IFT80: variants seen among roughly 807,000 people sequenced by gnomAD.
IFT80 encodes the protein intraflagellar transport 80.
IFT80 carries 79 observed loss-of-function variants against 107.9 expected under a neutral mutation model. The ratio of observed to expected loss-of-function variants is 0.73; its 90% confidence interval spans 0.61 to 0.88. IFT80 has a LOEUF of 0.88. Ranked by LOEUF, IFT80 falls within the 40% of genes least tolerant of loss-of-function variation. The pLI is 0.00. For synonymous variants in IFT80, 299 were observed against 300.9 expected (o/e 0.99, Z 0.07); for missense variants, 797 against 914.2 (o/e 0.87, Z 1.65).
chr3:160,371,170 A>G (rs1711512250), intron 5 of IFT80, among the ~76,000 whole-genome samples: 1 of 152,046 alleles, frequency 6.6e-6, no homozygotes, highest in Non-Finnish European at 1.5e-5. Context: ...CACTCACCTG[A>G]CTTTTAGGTC....
Position 160,258,644 on chromosome 3 carries a change from G to GAAA in IFT80, c.2224-12_2224-10dup. 1 of 1,513,960 alleles carries GAAA rather than the reference G, an allele frequency of 6.6e-7. No homozygotes were observed. The highest frequency in any genetic ancestry group is 9.0e-7 in the Non-Finnish European group (1 of 1,115,076). The allele number at this position is 1,513,960 out of a possible 1,614,324, so 93.8% of individuals were successfully genotyped here. On this transcript the variant is annotated splice_polypyrimidine_tract_variant and intron_variant, in intron 19 of 19. Transcript: ENST00000326448. ...TCCCAATCTATTTGGAGCTGCAATA[G>GAAA]AAAAAAAAAAGAAGAAATATGCTTA...
chr3:160,274,061 G>C (rs538860880), intron 18 of IFT80, among the ~76,000 whole-genome samples: 5 of 152,134 alleles, frequency 3.3e-5, no homozygotes, highest in African/African-American at 4.8e-5. Context: ...GAAGGTGAAG[G>C]GGGGCATGCG....
intron 8 of IFT80, among the ~76,000 whole-genome samples, chr3:160,351,772 C>G (rs1289224882): frequency 1.3e-5 from 2 of 149,276 alleles, no homozygotes; most frequent in Non-Finnish European, 3.0e-5. Flanking sequence ...TTAATACAAA[C>G]CTTGCAAAAA....
chr3:160,343,798 C>A, intron 8 of IFT80: 1 of 331,418 alleles, frequency 3.0e-6, no homozygotes, highest in South Asian at 2.5e-5. Flanking sequence ...TATAGTCTTT[C>A]ATCTGATGGA....
chr3:160,385,029 G>A (rs184183667), intron 1 of IFT80, among the ~76,000 whole-genome samples: 4 of 152,296 alleles, frequency 2.6e-5, no homozygotes, highest in Non-Finnish European at 5.9e-5. Context: ...GTGATTGAGG[G>A]CTAAGCTACA....
In IFT80 at chr3:160,266,326, C is replaced by A. The variant is rs181867685; in HGVS notation, c.2223+2087G>T. ...TAATTTTCTTCATAGTAAGGACTTT[C>A]TTTTCTTTCTCCTCCCCCCCCCTTC... is the stretch of plus-strand genomic sequence containing the variant. On this transcript the variant is annotated intron_variant, in intron 19 of 19. Transcript: ENST00000326448. Among the ~76,000 whole-genome samples the A allele has an allele frequency of 2.1e-5, 3 of 140,720 alleles. No homozygotes were observed. In the East Asian group the frequency reaches 5.9e-4, roughly 28 times the overall value. The allele number at this position is 140,720 out of a possible 152,430, so 92.3% of individuals were successfully genotyped here. A position where few individuals can be genotyped will look rare whatever the true frequency, so the allele number is the denominator to read the frequency against.
Position 160,362,424 on chromosome 3 carries a change from G to A in IFT80, c.549+3619C>T, listed in dbSNP as rs555415232. 1.1e-4 allele frequency among the ~76,000 whole-genome samples: 17 copies of A among 152,214 alleles called. No individual in the cohort carries two copies. In the South Asian group the frequency reaches 2.5e-3, roughly 22 times the overall value. ...TCCAGGACCAGACAGATTCACAGCC[G>A]AATTCTACCAGAGGTACAAAGAGGA... On this transcript the variant is annotated intron_variant, in intron 6 of 19. Transcript: ENST00000326448.
chr3:160,308,671 G>T (rs1473273943), intron 9 of IFT80, among the ~76,000 whole-genome samples: 1 of 151,988 alleles, frequency 6.6e-6, no homozygotes, highest in Non-Finnish European at 1.5e-5. Context: ...TAATATTAAT[G>T]AACAATGAAA....
intron 8 of IFT80, among the ~76,000 whole-genome samples, chr3:160,328,174 A>G (rs1718812305): frequency 6.6e-6 from 1 of 152,046 alleles, no homozygotes; most frequent in Admixed American, 6.6e-5. Context: ...TATTACTAAA[A>G]AGTCTGGCCG....
intron 10 of IFT80, among the ~76,000 whole-genome samples, chr3:160,304,252 C>T (rs567771138): frequency 5.3e-5 from 8 of 152,156 alleles, no homozygotes; most frequent in Admixed American, 5.2e-4. Context: ...TTACAACATG[C>T]GAACTGAGGA....
rs115284851 is a variant in IFT80, at chr3:160,345,822, T to A, written c.777+10191A>T. 9.4e-3 allele frequency among the ~76,000 whole-genome samples: 1,424 copies of A among 152,116 alleles called. 28 individuals are homozygous for A. The highest frequency in any genetic ancestry group is 0.032 in the African/African-American group (1,320 of 41,508). On this transcript the variant is annotated intron_variant, in intron 8 of 19. Coordinates refer to ENST00000326448, the MANE Select transcript of IFT80 (RefSeq NM_020800.3). ...ATCAGAAAGAATGACTAAGATCTACTATTATTTGATAGTACAACAGAGTGA... is the reference window on the plus strand; with the variant it reads ...ATCAGAAAGAATGACTAAGATCTACAATTATTTGATAGTACAACAGAGTGA...
intron 8 of IFT80, among the ~76,000 whole-genome samples, chr3:160,332,201 G>C (rs2108318928): frequency 6.6e-6 from 1 of 152,284 alleles, no homozygotes; most frequent in Non-Finnish European, 1.5e-5. Context: ...ATTTAAGTTA[G>C]GTTTTGTGTG....
intron 6 of IFT80, 94 bp from the exon 7 acceptor site, chr3:160,357,672 C>T: frequency 1.4e-6 from 1 of 720,820 alleles, no homozygotes. Context: ...CTAATGACTC[C>T]TTTGTCATCT....
In IFT80 at chr3:160,280,654, A is replaced by G. The variant is rs1270879128; in HGVS notation, c.1664+13T>C. 6.2e-7 allele frequency: 1 copy of G among 1,606,112 alleles called. No individual in the cohort carries two copies. The highest frequency in any genetic ancestry group is 1.1e-5 in the South Asian group (1 of 90,898). On this transcript the variant is annotated intron_variant, in intron 15 of 19. Coordinates refer to ENST00000326448, the MANE Select transcript of IFT80 (RefSeq NM_020800.3). ...TTTACTACAAAACAGAATTATACGC[A>G]GTAAAATGTTACCTTGCATCCCTTT... is the stretch of plus-strand genomic sequence containing the variant.
intron 13 of IFT80, among the ~76,000 whole-genome samples, chr3:160,283,685 C>A (rs1305169736): frequency 6.6e-6 from 1 of 152,298 alleles, no homozygotes. Flanking sequence ...TCATCATCAT[C>A]ATCAGAACCT....
intron 3 of IFT80, among the ~76,000 whole-genome samples, chr3:160,379,962 C>G (rs752377593): frequency 3.3e-5 from 5 of 152,022 alleles, no homozygotes; most frequent in Non-Finnish European, 7.4e-5. Flanking sequence ...AAGCCCTCTT[C>G]TCTTTCTCTT....
chr3:160,258,501 A>G lies in IFT80; in HGVS notation c.*24T>C, dbSNP rs761909985. 2 of 1,613,438 alleles carry G rather than the reference A, an allele frequency of 1.2e-6. No individual in the cohort carries two copies. The highest frequency in any genetic ancestry group is 4.5e-5 in the East Asian group (2 of 44,826). ...ATCAGAACGTGTTTCAAAAGATAAA[A>G]TTTCTTAAAGATACGCATGGCATTT... On this transcript the variant is annotated 3_prime_UTR_variant, in exon 20 of 20. Transcript: ENST00000326448.
At chr3:160,354,837 C>T (rs1381233646) in intron 8 of IFT80, among the ~76,000 whole-genome samples, 1 of 152,096 alleles carries the variant, frequency 6.6e-6, no homozygotes, top group East Asian at 1.9e-4. Flanking sequence ...GGGGAAAAGA[C>T]TCAATGGATT....
At chr3:160,323,450 T>C (rs1416063000) in intron 8 of IFT80, among the ~76,000 whole-genome samples, 9 of 152,102 alleles carry the variant, frequency 5.9e-5, no homozygotes, top group Admixed American at 3.9e-4. Flanking sequence ...CCTTGTAGTA[T>C]AGTTTGAAGT....
Sources: allele counts gnomAD v4.1 joint callset (sites outside exome capture counted in the v4.1 genomes callset), GRCh38; gene constraint gnomAD v4.1.1; transcripts MANE v1.5; gene names NCBI Gene and HGNC (gene_info 2026-07-23, HGNC 2026-07-21).